PCDHGA5: variants seen among roughly 807,000 people sequenced by gnomAD.
PCDHGA5 encodes the protein protocadherin gamma-A5.
PCDHGA5 carries 36 observed loss-of-function variants against 56.7 expected under a neutral mutation model. The observed-to-expected ratio is 0.64, with a 90% CI of 0.49 to 0.84. The LOEUF is 0.84. Ranked by LOEUF, PCDHGA5 falls within the 40% of genes least tolerant of loss-of-function variation. The pLI is 0.00. For missense variants in PCDHGA5, 1,305 were observed against 1,201.5 expected (o/e 1.09, Z -1.27); for synonymous variants, 563 against 520.2 (o/e 1.08, Z -1.12).
At position 141,485,225 on chromosome 5, in the gene PCDHGA5, T is replaced by C; in HGVS notation, c.2422-9582T>C. The C allele has an allele frequency of 1.2e-6, 2 of 1,614,156 alleles. No homozygotes were observed. Among genetic ancestry groups the C allele is most frequent in the Non-Finnish European group, 1.7e-6 (2 of 1,180,010 alleles). On this transcript the variant is annotated intron_variant, in intron 1 of 3. Coordinates refer to ENST00000518069, the MANE Select transcript of PCDHGA5 (RefSeq NM_018918.3). The surrounding 1 kb of genome is among the most constrained non-coding windows in gnomAD (Gnocchi z 5.7). Reference sequence around the variant, plus strand: ...AGAAATCTGGCGGTGGGCTACCCTTTTGTTCCTCTTTTACCACCTGGGTTA... The same window carrying C: ...AGAAATCTGGCGGTGGGCTACCCTTCTGTTCCTCTTTTACCACCTGGGTTA...
At chr5:141,414,266 C>T in intron 1 of PCDHGA5, 1 of 1,613,254 alleles carries the variant, frequency 6.2e-7, no homozygotes, top group Non-Finnish European at 8.5e-7. Context: ...ACTGAAGATT[C>T]ACCTCTGGGA....
intron 1 of PCDHGA5, chr5:141,440,448 A>G (rs2098178859): frequency 6.6e-6 from 1 of 152,168 alleles, no homozygotes; most frequent in East Asian, 1.9e-4. Context: ...CGCCATCTCA[A>G]AAAAAATGAA....
At chr5:141,414,489 G>A (rs754325517) in intron 1 of PCDHGA5, 33 of 1,613,754 alleles carry the variant, frequency 2.0e-5, no homozygotes, top group Middle Eastern at 1.6e-4. Flanking sequence ...CTCTATCAAC[G>A]GAAGCTCACT....
At chr5:141,415,736 TAAGG>T (rs2095905512) in intron 1 of PCDHGA5, 1 of 1,289,864 alleles carries the variant, frequency 7.8e-7, no homozygotes, top group Admixed American at 3.4e-5. Flanking sequence ...TGATGTTTAT[TAAGG>T]TTTTTTTTTT....
intron 1 of PCDHGA5, chr5:141,423,463 G>C (rs772779471): frequency 1.2e-6 from 2 of 1,613,874 alleles, no homozygotes; most frequent in South Asian, 2.2e-5. Context: ...AGGCGTGGAC[G>C]GGGTACAGGC....
rs2099427481 is a variant in PCDHGA5 at position 141,477,973 on chromosome 5, T to A, written c.2422-16834T>A. On this transcript the variant is annotated intron_variant, in intron 1 of 3. Coordinates refer to ENST00000518069, the MANE Select transcript of PCDHGA5 (RefSeq NM_018918.3). The surrounding 1 kb of genome is among the most constrained non-coding windows in gnomAD (Gnocchi z 4.9). The stretch of plus-strand genomic sequence containing the variant: ...TGGGATCCCCTAACCAGAGCCTTTT[T>A]GCCATAGGGCTGCACACTGGTCAAA... 1 of 1,614,030 alleles carries A rather than the reference T, an allele frequency of 6.2e-7. No individual in the cohort carries two copies. The highest frequency in any genetic ancestry group is 8.5e-7 in the Non-Finnish European group (1 of 1,180,030).
intron 1 of PCDHGA5, chr5:141,370,801 A>G: frequency 6.2e-7 from 1 of 1,614,036 alleles, no homozygotes; most frequent in Non-Finnish European, 8.5e-7. Flanking sequence ...TTTAGCCAAA[A>G]TATCACTGAG....
At position 141,484,105 on chromosome 5, in the gene PCDHGA5, A is replaced by G. The variant is rs548687877; in HGVS notation, c.2422-10702A>G. On this transcript the variant is annotated intron_variant, in intron 1 of 3. Coordinates refer to ENST00000518069, the MANE Select transcript of PCDHGA5 (RefSeq NM_018918.3). Reference sequence around the variant, plus strand: ...GAAATGGTCTTCGTTGGTAATTAACAAAAGATCAAGAATACCTTGGTGTCA... The same window carrying G: ...GAAATGGTCTTCGTTGGTAATTAACGAAAGATCAAGAATACCTTGGTGTCA... Among the ~76,000 whole-genome samples, 3 of 152,316 alleles carry G rather than the reference A, an allele frequency of 2.0e-5. No individual in the cohort carries two copies. In the South Asian group the frequency reaches 6.2e-4, roughly 32 times the overall value.
Position 141,366,322 on chromosome 5 carries a change from G to T in PCDHGA5, c.1992G>T (p.Val664=), listed in dbSNP as rs1764494961. 3.1e-6 allele frequency: 5 copies of T among 1,613,654 alleles called. No individual in the cohort carries two copies. The South Asian group carries it at 5.5e-5, about 18-fold the overall frequency. Residue 664 remains valine, a synonymous_variant, in exon 1 of 4, where the codon GTG becomes GTT. Transcript: ENST00000518069. ...CCACCTTCACGGTCACCGTTGCCGT[G>T]GCCGACAGGATCCCTGACATCCTGG... is the stretch of plus-strand genomic sequence containing the variant. ...LSATFTVTVA[V]ADRIPDILAD... is the part of the protein sequence containing the mutation.
chr5:141,421,069 A>T, intron 1 of PCDHGA5: 1 of 598,532 alleles, frequency 1.7e-6, no homozygotes, highest in Non-Finnish European at 2.8e-6. Context: ...AAGCGGAATG[A>T]GATGGATACT....
intron 1 of PCDHGA5, chr5:141,419,059 T>C (rs574873856): frequency 1.6e-5 from 26 of 1,613,962 alleles, no homozygotes; most frequent in Non-Finnish European, 2.0e-5. Context: ...CTTCTAATAA[T>C]TACTACAAGC....
At chr5:141,436,632 G>T (rs763510513) in intron 1 of PCDHGA5, among the ~76,000 whole-genome samples, 2 of 152,130 alleles carry the variant, frequency 1.3e-5, no homozygotes, top group Non-Finnish European at 2.9e-5. Context: ...TTCACAACAT[G>T]CAATTAATTA....
At chr5:141,418,912 ACT>A (rs1457793463) in intron 1 of PCDHGA5, 2 of 1,613,770 alleles carry the variant, frequency 1.2e-6, no homozygotes, top group Non-Finnish European at 1.7e-6. Flanking sequence ...TCATCACGTC[ACT>A]CTCTGATCAG....
intron 1 of PCDHGA5, chr5:141,478,378 G>A (rs1454112813): frequency 6.2e-7 from 1 of 1,613,558 alleles, no homozygotes; most frequent in Admixed American, 1.7e-5. Context: ...TGATGTCGCC[G>A]CACCTTTACC....
At chr5:141,414,496 C>T in intron 1 of PCDHGA5, 7 of 1,613,956 alleles carry the variant, frequency 4.3e-6, no homozygotes, top group Middle Eastern at 1.6e-4. Flanking sequence ...AACGGAAGCT[C>T]ACTTTATGCT....
intron 1 of PCDHGA5, chr5:141,418,389 AT>A (rs1429903562): frequency 5.6e-6 from 9 of 1,613,878 alleles, no homozygotes; most frequent in Non-Finnish European, 6.8e-6. Flanking sequence ...CCTAACGAGT[AT>A]TTCTCATTGG....
At chr5:141,509,823 TTCTC>T (rs2099878456) in intron 3 of PCDHGA5, among the ~76,000 whole-genome samples, 1 of 152,170 alleles carries the variant, frequency 6.6e-6, no homozygotes, top group Non-Finnish European at 1.5e-5. Flanking sequence ...CTTCTCCATC[TTCTC>T]TCTACCTCCC....
chr5:141,483,133 T>C (rs1263073911), intron 1 of PCDHGA5, among the ~76,000 whole-genome samples: 25 of 152,142 alleles, frequency 1.6e-4, no homozygotes, highest in South Asian at 1.2e-3. Flanking sequence ...GGAGATGAGG[T>C]GAAGCAAGTA....
At position 141,511,112 on chromosome 5, in the gene PCDHGA5, G is replaced by A. The variant is rs767257788; in HGVS notation, c.2735G>A (p.Gly912Asp). The change falls in exon 4 of 4, where the codon GGC (glycine) becomes GAC (aspartate). Residue 912 changes from glycine (G) to aspartate (D), a missense_variant. Transcript: ENST00000518069. ...ACCAACGCAGCTGGCAAGCGGGATGGCAAGGCCCCAGCAGGTGGCAATGGC... is the reference window on the plus strand; with the variant it reads ...ACCAACGCAGCTGGCAAGCGGGATGACAAGGCCCCAGCAGGTGGCAATGGC... The part of the protein sequence containing the change: ...TLTNAAGKRD[G>D]KAPAGGNGNK... 1 of 1,614,232 alleles carries A rather than the reference G, an allele frequency of 6.2e-7. No individual in the cohort carries two copies.
Sources: allele counts gnomAD v4.1 joint callset (sites outside exome capture counted in the v4.1 genomes callset), GRCh38; gene constraint gnomAD v4.1.1; non-coding constraint Gnocchi (gnomAD v3.1); transcripts MANE v1.5; gene names NCBI Gene and HGNC (gene_info 2026-07-23, HGNC 2026-07-21).